ASXL1: variants seen among roughly 807,000 people sequenced by gnomAD.
ASXL1 encodes the protein polycomb group protein ASXL1.
In ASXL1, 65 loss-of-function variants were observed where a neutral mutation model predicts 89.1. The observed-to-expected ratio is 0.73, with a 90% CI of 0.60 to 0.90. The LOEUF is 0.90. Among genes scored for constraint, ASXL1 ranks in the 40% least tolerant of loss-of-function variants. The probability of loss-of-function intolerance (pLI) is 0.00; values close to 1 mark genes in which losing one functional copy is unlikely to be tolerated. For synonymous variants in ASXL1, 739 were observed against 746.9 expected (o/e 0.99, Z 0.17); for missense variants, 1,786 against 1,942.9 (o/e 0.92, Z 1.52).
chr20:32,361,380 C>T (rs1056208960), intron 1 of ASXL1, among the ~76,000 whole-genome samples: 1 of 151,328 alleles, frequency 6.6e-6, no homozygotes, highest in Non-Finnish European at 1.5e-5. Flanking sequence ...TGGCTCACGC[C>T]TGTAATCCCA....
chr20:32,367,093 A>G (rs79887453), intron 2 of ASXL1, among the ~76,000 whole-genome samples: 3 of 151,998 alleles, frequency 2.0e-5, no homozygotes, highest in African/African-American at 7.2e-5. Context: ...AAAAAAAAAA[A>G]AAAGCTGGGG....
At chr20:32,407,016 A>G (rs1307699730) in intron 4 of ASXL1, among the ~76,000 whole-genome samples, 1 of 152,072 alleles carries the variant, frequency 6.6e-6, no homozygotes, top group Non-Finnish European at 1.5e-5. Context: ...ATTTAAAAAG[A>G]TTGGTTTGTC....
chr20:32,382,785 C>A (rs1461748798), intron 4 of ASXL1, among the ~76,000 whole-genome samples: 1 of 151,450 alleles, frequency 6.6e-6, no homozygotes, highest in East Asian at 1.9e-4. Flanking sequence ...GACCCTGTCT[C>A]AAAAAAAATG....
intron 4 of ASXL1, among the ~76,000 whole-genome samples, chr20:32,397,743 C>G (rs932736684): frequency 2.6e-5 from 4 of 152,144 alleles, no homozygotes; most frequent in African/African-American, 9.7e-5. Context: ...TGGGCAGCAT[C>G]GAAAGTTTAC....
chr20:32,402,322 T>G (rs1459733214), intron 4 of ASXL1, among the ~76,000 whole-genome samples: 3 of 152,244 alleles, frequency 2.0e-5, no homozygotes, highest in Non-Finnish European at 2.9e-5. Context: ...CCCAAAGTGC[T>G]GGGATTAGAG....
chr20:32,424,484 G>A (rs997359744), intron 4 of ASXL1, among the ~76,000 whole-genome samples: 122 of 152,244 alleles, frequency 8.0e-4, no homozygotes, highest in African/African-American at 2.6e-3. Context: ...GCAGTGAGCC[G>A]AGATCATGCC....
intron 8 of ASXL1, 185 bp from the exon 9 acceptor site, chr20:32,431,136 G>C: frequency 1.3e-6 from 1 of 770,730 alleles, no homozygotes; most frequent in South Asian, 1.5e-5. Flanking sequence ...GTGTTCTCCT[G>C]GGTTTGATGG....
At chr20:32,389,997 T>TCTATTCA (rs1398747846) in intron 4 of ASXL1, among the ~76,000 whole-genome samples, 4 of 152,264 alleles carry the variant, frequency 2.6e-5, no homozygotes, top group African/African-American at 7.2e-5. Flanking sequence ...ATGGCTTGAA[T>TCTATTCA]GCAATTATCC....
Position 32,430,020 on chromosome 20 carries a change from C to T in ASXL1, c.685C>T (p.Pro229Ser), listed in dbSNP as rs1300241784. Reference protein sequence around the residue: ...GQAEVTQDPAPLLRGFRKPAT... With the variant: ...GQAEVTQDPASLLRGFRKPAT... ...GGCCGAGGTCACCCAGGACCCTGCC[C>T]CGCTCCTGAGAGGCTTCCGGAAGCC... Residue 229 changes from proline (P) to serine (S), a missense_variant, in exon 8 of 13, where the codon CCG (proline) becomes TCG (serine). By Grantham distance (74) the Pro-to-Ser change is moderately conservative. This residue lies in a region of ASXL1 where 332 missense variants were observed against 449.7 expected (regional missense o/e 0.74). Coordinates refer to ENST00000375687, the MANE Select transcript of ASXL1 (RefSeq NM_015338.6). 19 of 1,607,326 alleles carry T rather than the reference C, an allele frequency of 1.2e-5. No homozygotes were observed. In the Admixed American group the frequency reaches 3.0e-4, roughly 25 times the overall value.
intron 4 of ASXL1, among the ~76,000 whole-genome samples, chr20:32,395,165 G>T (rs901475678): frequency 6.6e-6 from 1 of 152,156 alleles, no homozygotes; most frequent in Non-Finnish European, 1.5e-5. Context: ...TCTGCCAGAG[G>T]ACTTCCTTTA....
intron 4 of ASXL1, among the ~76,000 whole-genome samples, chr20:32,379,458 T>C (rs576223042): frequency 6.6e-6 from 1 of 151,690 alleles, no homozygotes; most frequent in Admixed American, 6.6e-5. Context: ...TCCACCTGCC[T>C]TGGCCTCCCA....
At chr20:32,431,557 A>AT (rs57967589) in intron 9 of ASXL1, 26 bp from the exon 10 acceptor site, 13 of 1,613,272 alleles carry the variant, frequency 8.1e-6, no homozygotes, top group South Asian at 1.1e-5. Context: ...ATTTATTAGG[A>AT]TTTTTTTCCC....
Position 32,429,558 on chromosome 20 carries a change from GC to G in ASXL1, c.565+129del, listed in dbSNP as rs1473455230. On this transcript the variant is annotated intron_variant, in intron 7 of 12. Coordinates refer to ENST00000375687, the MANE Select transcript of ASXL1 (RefSeq NM_015338.6). The surrounding 1 kb of genome is among the most constrained non-coding windows in gnomAD (Gnocchi z 4.9). ...CTGTCGGGCCACAGGCAAGAGCCCT[GC>G]CAATGGATGAGGCCTGCCATAGGTT... The G allele has an allele frequency of 3.0e-6, 3 of 993,832 alleles. No individual in the cohort carries two copies. Among genetic ancestry groups the G allele is most frequent in the Non-Finnish European group, 4.7e-6 (3 of 639,476 alleles). 61.6% of individuals were successfully genotyped at this position (993,832 alleles called of 1,614,324 possible). A position where few individuals can be genotyped will look rare whatever the true frequency, so the allele number is the denominator to read the frequency against.
chr20:32,359,308 A>G (rs1323933010), intron 1 of ASXL1: 10 of 702,566 alleles, frequency 1.4e-5, no homozygotes, highest in Non-Finnish European at 2.6e-5. Context: ...CGCCAATGGC[A>G]TGTTGAGCTT....
intron 4 of ASXL1, among the ~76,000 whole-genome samples, chr20:32,417,035 T>C (rs2049149807): frequency 6.6e-6 from 1 of 152,206 alleles, no homozygotes; most frequent in Admixed American, 6.5e-5. Flanking sequence ...ACTGATTTAG[T>C]AGTAAAACCT....
chr20:32,396,787 C>T (rs981987636), intron 4 of ASXL1, among the ~76,000 whole-genome samples: 7 of 152,100 alleles, frequency 4.6e-5, no homozygotes, highest in African/African-American at 1.2e-4. Flanking sequence ...CTCAAACTCT[C>T]ATTCTCTCTC....
chr20:32,411,192 T>C lies in ASXL1; in HGVS notation c.253-16936T>C, dbSNP rs2049038362. On this transcript the variant is annotated intron_variant, in intron 4 of 12. Transcript: ENST00000375687. ...GCTTTAATTTATTCCCCCATTTGTT[T>C]ATTCGTTGTGAATTTATGGATTCTT... Among the ~76,000 whole-genome samples the C allele has an allele frequency of 3.3e-5, 5 of 150,398 alleles. No homozygotes were observed. In the South Asian group the frequency reaches 1.0e-3, roughly 32 times the overall value.
rs529799046 is a variant in ASXL1 at position 32,375,752 on chromosome 20, G to A, written c.252+6629G>A. 3.2e-4 allele frequency among the ~76,000 whole-genome samples: 48 copies of A among 151,606 alleles called. No individual in the cohort carries two copies. In the South Asian group the frequency reaches 8.1e-3, roughly 26 times the overall value. ...GGCTGGAGTGCAGTGGCATGATCAC[G>A]GCTTACTGCAACCTCTGCCTCCTGT... On this transcript the variant is annotated intron_variant, in intron 4 of 12. Coordinates refer to ENST00000375687, the MANE Select transcript of ASXL1 (RefSeq NM_015338.6).
intron 4 of ASXL1, among the ~76,000 whole-genome samples, chr20:32,416,656 T>C (rs1208143596): frequency 1.3e-5 from 2 of 152,160 alleles, no homozygotes; most frequent in Non-Finnish European, 2.9e-5. Context: ...GCAACACTTA[T>C]CCTTAATCTC....
Sources: allele counts gnomAD v4.1 joint callset (sites outside exome capture counted in the v4.1 genomes callset), GRCh38; gene constraint gnomAD v4.1.1; regional missense constraint gnomAD v4.1.1; non-coding constraint Gnocchi (gnomAD v3.1); transcripts MANE v1.5; gene names NCBI Gene and HGNC (gene_info 2026-07-23, HGNC 2026-07-21).